NUDT7: variants seen among roughly 807,000 people sequenced by gnomAD.
The protein encoded by NUDT7 is nudix hydrolase 7.
Under a neutral mutation model 13.1 loss-of-function variants are expected in NUDT7, and 19 were observed. That is an observed-to-expected ratio of 1.45 (90% CI 1.01 to 2.13). The LOEUF (loss-of-function observed/expected upper bound fraction) is 2.13. NUDT7 is among the 30% of genes most tolerant of loss of function. NUDT7 has a pLI of 0.00. For missense variants in NUDT7, 360 were observed against 291.7 expected (o/e 1.23, Z -1.71); for synonymous variants, 132 against 109.7 (o/e 1.20, Z -1.27).
chr16:77,723,752 C>T lies in NUDT7; in HGVS notation c.35+1135C>T, dbSNP rs536286301. On this transcript the variant is annotated intron_variant, in intron 1 of 3. Transcript: ENST00000268533. Reference sequence around the variant, plus strand: ...GATTACAGGCATGTGCCACGATGCCCGGCTAATTTTTGTATGTTTAGTAGA... The same window carrying T: ...GATTACAGGCATGTGCCACGATGCCTGGCTAATTTTTGTATGTTTAGTAGA... 1.4e-4 allele frequency among the ~76,000 whole-genome samples: 22 copies of T among 152,082 alleles called. No individual in the cohort carries two copies. The South Asian group carries it at 1.7e-3, about 11-fold the overall frequency.
At chr16:77,732,673 C>G (rs1316211865) in intron 2 of NUDT7, among the ~76,000 whole-genome samples, 1 of 152,148 alleles carries the variant, frequency 6.6e-6, no homozygotes, top group East Asian at 1.9e-4. Context: ...ACCATATAGC[C>G]TAGGTTTATA....
intron 2 of NUDT7, among the ~76,000 whole-genome samples, chr16:77,729,733 G>A (rs1597113281): frequency 1.3e-5 from 2 of 152,126 alleles, no homozygotes; most frequent in South Asian, 4.1e-4. Context: ...GCTGAGGCAG[G>A]AGAATCGCTT....
At chr16:77,737,730 C>T (rs1567432312) in intron 3 of NUDT7, among the ~76,000 whole-genome samples, 1 of 152,220 alleles carries the variant, frequency 6.6e-6, no homozygotes, top group Non-Finnish European at 1.5e-5. Context: ...CATGATCCGC[C>T]TGCCTCAGCC....
chr16:77,740,510 CA>C (rs2014625301), intron 3 of NUDT7, among the ~76,000 whole-genome samples: 1 of 152,160 alleles, frequency 6.6e-6, no homozygotes, highest in Non-Finnish European at 1.5e-5. Flanking sequence ...TTTCATTTGA[CA>C]ACACTCATGT....
At chr16:77,723,753 G>A (rs1355108509) in intron 1 of NUDT7, among the ~76,000 whole-genome samples, 1 of 151,914 alleles carries the variant, frequency 6.6e-6, no homozygotes, top group African/African-American at 2.4e-5. Context: ...CACGATGCCC[G>A]GCTAATTTTT....
At chr16:77,735,511 A>G in intron 2 of NUDT7, 1 of 576,580 alleles carries the variant, frequency 1.7e-6, no homozygotes, top group South Asian at 2.5e-5. Flanking sequence ...CGAGACTGTG[A>G]GCCAACCAAA....
At chr16:77,740,859 T>C (rs1466962482) in intron 3 of NUDT7, among the ~76,000 whole-genome samples, 1 of 152,208 alleles carries the variant, frequency 6.6e-6, no homozygotes, top group African/African-American at 2.4e-5. Context: ...CTCATGTTCA[T>C]TTGCAAGCAG....
At chr16:77,733,699 C>T (rs192477184) in intron 2 of NUDT7, among the ~76,000 whole-genome samples, 121 of 152,228 alleles carry the variant, frequency 7.9e-4, no homozygotes, top group Middle Eastern at 6.8e-3. Context: ...CCCGTGCATC[C>T]GCTCCATCCT....
At chr16:77,734,419 C>T (rs970493275) in intron 2 of NUDT7, among the ~76,000 whole-genome samples, 1 of 152,044 alleles carries the variant, frequency 6.6e-6, no homozygotes, top group South Asian at 2.1e-4. Context: ...GTCAGAAGAT[C>T]GAGACCAGTC....
intron 2 of NUDT7, among the ~76,000 whole-genome samples, chr16:77,728,528 C>T (rs143129088): frequency 2.2e-4 from 34 of 152,300 alleles, no homozygotes; most frequent in African/African-American, 7.2e-4. Context: ...TGTGCCACCA[C>T]GCCCAGCCTG....
In NUDT7 at chr16:77,741,598, C is replaced by G. The variant is rs1258218925; in HGVS notation, c.365C>G (p.Thr122Ser). 1.9e-6 allele frequency: 3 copies of G among 1,608,434 alleles called. No individual in the cohort carries two copies. Among genetic ancestry groups the G allele is most frequent in the East Asian group, 2.2e-5 (1 of 44,852 alleles). The change falls in exon 4 of 4, where the codon ACT becomes AGT. Residue 122 changes from threonine to serine, a missense_variant. Coordinates refer to ENST00000268533, the MANE Select transcript of NUDT7 (RefSeq NM_001105663.3). ...TGCTTTTAGACAGATACATTGATAA[C>G]TCCATTTGTGGGTTTAATAGACCAC... ...PCLIDTDTLI[T>S]PFVGLIDHNF...
In NUDT7 at chr16:77,742,235, TTAA is replaced by T; in HGVS notation, c.*289_*291del. 1.4e-6 allele frequency: 1 copy of T among 728,582 alleles called. No homozygotes were observed. Among genetic ancestry groups the T allele is most frequent in the South Asian group, 4.1e-5 (1 of 24,690 alleles). The allele number at this position is 728,582 out of a possible 1,614,324, so 45.1% of individuals were successfully genotyped here. On this transcript the variant is annotated 3_prime_UTR_variant, in exon 4 of 4. Transcript: ENST00000268533. ...AGAATATCTGGCACATACTAGGCCC[TTAA>T]TAAAGATTTTTTGAATATATAACCA...
intron 2 of NUDT7, among the ~76,000 whole-genome samples, chr16:77,730,951 G>A (rs940602094): frequency 2.6e-5 from 4 of 151,190 alleles, no homozygotes; most frequent in African/African-American, 9.8e-5. Context: ...TTGATATTGA[G>A]TTGAGTTCCT....
chr16:77,733,901 C>T (rs2014396182), intron 2 of NUDT7, among the ~76,000 whole-genome samples: 1 of 152,152 alleles, frequency 6.6e-6, no homozygotes, highest in African/African-American at 2.4e-5. Flanking sequence ...ATATTTGGCC[C>T]TGCAGAAGAG....
chr16:77,736,081 G>T lies in NUDT7; in HGVS notation c.348+95G>T, dbSNP rs190735825. The T allele has an allele frequency of 4.1e-5, 48 of 1,168,750 alleles. No individual in the cohort carries two copies. The East Asian group carries it at 1.1e-3, about 27-fold the overall frequency. 72.4% of individuals were successfully genotyped at this position (1,168,750 alleles called of 1,614,324 possible). A position where few individuals can be genotyped will look rare whatever the true frequency, so the allele number is the denominator to read the frequency against. On this transcript the variant is annotated intron_variant, in intron 3 of 3. Transcript: ENST00000268533. The stretch of plus-strand genomic sequence containing the variant: ...CACATTTTCCAAACATAACCCCAAA[G>T]AGTACTGTACATAAAGTCAAGAGAA...
chr16:77,723,823 T>A (rs2014044403), intron 1 of NUDT7, among the ~76,000 whole-genome samples: 1 of 151,984 alleles, frequency 6.6e-6, no homozygotes, highest in South Asian at 2.1e-4. Flanking sequence ...AACTCCTGAC[T>A]TCAAGTGATT....
chr16:77,735,368 C>G (rs886342597), intron 2 of NUDT7: 16 of 539,356 alleles, frequency 3.0e-5, no homozygotes, highest in Non-Finnish European at 5.3e-5. Context: ...AGCACCTCCC[C>G]TCCCTCTCTC....
At chr16:77,726,084 C>T (rs2014126658) in intron 2 of NUDT7, among the ~76,000 whole-genome samples, 1 of 152,192 alleles carries the variant, frequency 6.6e-6, no homozygotes, top group African/African-American at 2.4e-5. Context: ...CTGTTTTAGA[C>T]TATCCCACCC....
At chr16:77,733,722 T>C (rs1309877870) in intron 2 of NUDT7, among the ~76,000 whole-genome samples, 1 of 152,174 alleles carries the variant, frequency 6.6e-6, no homozygotes, top group Non-Finnish European at 1.5e-5. Context: ...TGGAACAATC[T>C]TCACAGCTCT....
Sources: allele counts gnomAD v4.1 joint callset (sites outside exome capture counted in the v4.1 genomes callset), GRCh38; gene constraint gnomAD v4.1.1; transcripts MANE v1.5; gene names NCBI Gene and HGNC (gene_info 2026-07-23, HGNC 2026-07-21).